GCN1: variants seen among roughly 807,000 people sequenced by gnomAD.
The protein encoded by GCN1 is GCN1 activator of EIF2AK4.
Under a neutral mutation model 288.4 loss-of-function variants are expected in GCN1, and 90 were observed. The observed-to-expected ratio is 0.31, with a 90% CI of 0.26 to 0.37. The LOEUF is 0.37. Ranked by LOEUF, GCN1 falls within the 10% of genes least tolerant of loss-of-function variation. GCN1 has a pLI of 1.00. For synonymous variants in GCN1, 1,386 were observed against 1,420.2 expected (o/e 0.98, Z 0.54); for missense variants, 2,586 against 3,419.9 (o/e 0.76, Z 6.08).
chr12:120,161,780 C>G lies in GCN1; in HGVS notation c.2342+100G>C, dbSNP rs146228017. On this transcript the variant is annotated intron_variant, in intron 21 of 57. Transcript: ENST00000300648. ...GGCGCTTAGCCAATGAATGGATAGG[C>G]TGTTGCATTCAACTCACAGGAGGCA... The G allele has an allele frequency of 9.1e-5, 107 of 1,178,004 alleles. 1 individual carries two copies. In the Admixed American group the frequency reaches 2.0e-3, roughly 22 times the overall value. The allele number at this position is 1,178,004 out of a possible 1,614,324, so 73.0% of individuals were successfully genotyped here.
Position 120,156,628 on chromosome 12 carries a change from G to C in GCN1, c.3169-24C>G, listed in dbSNP as rs1175424919. Reference sequence around the variant, plus strand: ...ACCTAAGGAGAACATCAATCCACTGGTTCAGTCAGCAACTCATTTACTACT... The same window carrying C: ...ACCTAAGGAGAACATCAATCCACTGCTTCAGTCAGCAACTCATTTACTACT... On this transcript the variant is annotated intron_variant, in intron 27 of 57. Coordinates refer to ENST00000300648, the MANE Select transcript of GCN1 (RefSeq NM_006836.2). This position sits in a 1 kb window ranked among gnomAD's most constrained non-coding sequence, Gnocchi z 5.8. 1 of 1,612,312 alleles carries C rather than the reference G, an allele frequency of 6.2e-7. No individual in the cohort carries two copies. Among genetic ancestry groups the C allele is most frequent in the Non-Finnish European group, 8.5e-7 (1 of 1,178,746 alleles).
chr12:120,131,926 C>A lies in GCN1; in HGVS notation c.7414G>T (p.Ala2472Ser), dbSNP rs1876839677. The part of the protein sequence containing the change: ...LSAVLQQCLL[A>S]DVSGIDWMVR... ...AAGGGGAACTCTCCAGTGTACTTAC[C>A]CAGCAAGCACTGCTGTAGAACGGCA... is the stretch of plus-strand genomic sequence containing the variant. Residue 2472 changes from alanine to serine, a missense_variant and splice_region_variant, in exon 54 of 58, where the codon GCG becomes TCG. Ala to Ser is a moderately conservative substitution (Grantham distance 99). Transcript: ENST00000300648. The A allele has an allele frequency of 1.0e-5, 16 of 1,591,948 alleles. No individual in the cohort carries two copies. Among genetic ancestry groups the A allele is most frequent in the African/African-American group, 1.3e-5 (1 of 74,694 alleles).
At chr12:120,165,983 G>A (rs962403863) in intron 16 of GCN1, among the ~76,000 whole-genome samples, 2 of 151,986 alleles carry the variant, frequency 1.3e-5, no homozygotes, top group South Asian at 4.2e-4. Context: ...TTAGAGACAG[G>A]GTTTCACCAT....
intron 11 of GCN1, 128 bp from the exon 12 acceptor site, chr12:120,175,340 G>T (rs1014748325): frequency 2.2e-6 from 2 of 910,740 alleles, no homozygotes; most frequent in Non-Finnish European, 3.5e-6. Flanking sequence ...GTGTTGTGAA[G>T]CTGGGTTTAA....
Position 120,151,244 on chromosome 12 carries a change from G to A in GCN1, c.4210C>T (p.Leu1404=), listed in dbSNP as rs371160546. 1.2e-6 allele frequency: 2 copies of A among 1,614,070 alleles called. No homozygotes were observed. Among genetic ancestry groups the A allele is most frequent in the African/African-American group, 2.7e-5 (2 of 74,950 alleles). Residue 1404 remains leucine, a synonymous_variant, in exon 34 of 58, where the codon CTG becomes TTG. Transcript: ENST00000300648. ...GAGAGGATGCCCAGGCCCTTCACCA[G>A]GCCCGCCAGGCCATAGGCGGCCCCT... ...RKGAAYGLAG[L]VKGLGILSLK... is the part of the protein sequence containing the mutation.
intron 45 of GCN1, chr12:120,139,062 C>T (rs1877106018): frequency 2.5e-6 from 1 of 392,436 alleles, no homozygotes; most frequent in Non-Finnish European, 4.6e-6. Context: ...GTAATCCCAG[C>T]ACTTTGGGAG....
chr12:120,189,016 T>C (rs1235816877), intron 2 of GCN1, among the ~76,000 whole-genome samples: 10 of 152,118 alleles, frequency 6.6e-5, no homozygotes, highest in Non-Finnish European at 1.2e-4. Context: ...ATTCACACTA[T>C]AGCAAGGAAA....
intron 13 of GCN1, 66 bp downstream of exon 13, chr12:120,174,005 C>G: frequency 4.5e-6 from 5 of 1,121,300 alleles, no homozygotes; most frequent in Non-Finnish European, 4.0e-6. Flanking sequence ...AGGAAAGCTC[C>G]AACTGTGAAA....
rs1566310484 is a variant in GCN1 at position 120,163,254 on chromosome 12, C to A, written c.1854G>T (p.Leu618=). Residue 618 remains leucine, a synonymous_variant, in exon 19 of 58, where the codon CTG becomes CTT. Transcript: ENST00000300648. The stretch of plus-strand genomic sequence containing the variant: ...CATCAGTCACCAAAGCCTCTAAGGG[C>A]AGCACCTGTGTGGAGACACATGAGA... ...LKTVLSSHKV[L]PLEALVTDAG... The A allele has an allele frequency of 6.2e-7, 1 of 1,613,406 alleles. No homozygotes were observed. The highest frequency in any genetic ancestry group is 1.7e-5 in the Admixed American group (1 of 60,006).
At chr12:120,182,870 G>A (rs1397387760) in intron 5 of GCN1, among the ~76,000 whole-genome samples, 4 of 150,218 alleles carry the variant, frequency 2.7e-5, no homozygotes, top group Non-Finnish European at 5.9e-5. Context: ...AACCCAGGAG[G>A]CAGAGGTTGC....
intron 37 of GCN1, among the ~76,000 whole-genome samples, chr12:120,147,616 A>G (rs1467724407): frequency 6.6e-6 from 1 of 152,210 alleles, no homozygotes; most frequent in African/African-American, 2.4e-5. Context: ...ACTATGATAT[A>G]ATGTATTTGT....
chr12:120,127,757 T>C lies in GCN1; in HGVS notation c.*92A>G. 1.4e-6 allele frequency: 2 copies of C among 1,401,688 alleles called. No homozygotes were observed. The highest frequency in any genetic ancestry group is 2.0e-6 in the Non-Finnish European group (2 of 1,010,690). 86.8% of individuals were successfully genotyped at this position (1,401,688 alleles called of 1,614,324 possible). On this transcript the variant is annotated 3_prime_UTR_variant, in exon 58 of 58. Transcript: ENST00000300648. ...TAAAATACTTTCTGGGAACGCCATC[T>C]TCCAAGCTCCCCATTGGAACAAATG... is the stretch of plus-strand genomic sequence containing the variant.
intron 5 of GCN1, among the ~76,000 whole-genome samples, chr12:120,180,047 C>T (rs540035844): frequency 1.3e-5 from 2 of 152,328 alleles, no homozygotes; most frequent in East Asian, 3.9e-4. Flanking sequence ...TGGCTCACAC[C>T]TGTAATCCCA....
At chr12:120,171,153 A>T (rs2139126548) in intron 14 of GCN1, among the ~76,000 whole-genome samples, 1 of 151,012 alleles carries the variant, frequency 6.6e-6, no homozygotes, top group Admixed American at 6.6e-5. Flanking sequence ...AAAAAAAAAA[A>T]AAAAAGAGAA....
rs761672717 is a variant in GCN1, at chr12:120,177,572, A to G, written c.730-17T>C. The G allele has an allele frequency of 1.3e-6, 2 of 1,569,574 alleles. No homozygotes were observed. ...ACAGCTATCCTACAAAGAAAAAGGA[A>G]TAAGGCACCTAGCCCTCATGGGAAC... On this transcript the variant is annotated splice_polypyrimidine_tract_variant and intron_variant, in intron 8 of 57. Transcript: ENST00000300648.
chr12:120,188,553 T>C lies in GCN1; in HGVS notation c.121+1745A>G, dbSNP rs1485046911. ...ACGGAACACAGATTGGGAAAAATGA[T>C]ATCCCAAGTCATAAAAAAAATGTTT... is the stretch of plus-strand genomic sequence containing the variant. On this transcript the variant is annotated intron_variant, in intron 2 of 57. Transcript: ENST00000300648. 2.6e-5 allele frequency among the ~76,000 whole-genome samples: 4 copies of C among 151,284 alleles called. No individual in the cohort carries two copies. In the South Asian group the frequency reaches 6.3e-4, roughly 24 times the overall value.
At chr12:120,147,380 C>T (rs562560210) in intron 37 of GCN1, 108 bp from the exon 38 acceptor site, 1 of 507,828 alleles carries the variant, frequency 2.0e-6, no homozygotes, top group South Asian at 4.7e-5. Flanking sequence ...TCTGGCACAC[C>T]TCCTCCCTGA....
chr12:120,145,696 C>T (rs1481329736), intron 38 of GCN1, among the ~76,000 whole-genome samples: 1 of 152,154 alleles, frequency 6.6e-6, no homozygotes, highest in Non-Finnish European at 1.5e-5. Flanking sequence ...AACATCTTCC[C>T]TTTCTTCATC....
At position 120,134,326 on chromosome 12, in the gene GCN1, CG is replaced by C; in HGVS notation, c.7281del (p.Ile2427MetfsTer6). Reference protein sequence around the residue: ...AKVDAVIRKNIVSLLLSMLGH... With the variant: ...AKVDAVIRKNXVSLLLSMLGH... ...CCCAGCATGCTCAGCAGGAGTGAGACGATGTTTTTCCGGATGACGGCATCCA... is the reference window on the plus strand; with the variant it reads ...CCCAGCATGCTCAGCAGGAGTGAGACATGTTTTTCCGGATGACGGCATCCA... On this transcript the variant is annotated frameshift_variant, in exon 53 of 58. Transcript: ENST00000300648. LOFTEE classifies it high-confidence loss of function. This position sits in a 1 kb window ranked among gnomAD's most constrained non-coding sequence, Gnocchi z 5.0. 6.2e-7 allele frequency: 1 copy of C among 1,614,020 alleles called. No individual in the cohort carries two copies.
Sources: gnomAD v4.1 joint callset for allele counts (sites outside exome capture counted in the v4.1 genomes callset) on GRCh38, gnomAD v4.1.1 for gene constraint, Gnocchi (gnomAD v3.1) non-coding constraint, MANE v1.5 for transcripts, NCBI Gene and HGNC (gene_info 2026-07-23, HGNC 2026-07-21) for gene names.